NKAIN2: variants seen among roughly 807,000 people sequenced by gnomAD.
NKAIN2 encodes the protein sodium/potassium transporting ATPase interacting 2, also known as sodium/potassium-transporting ATPase subunit beta-1-interacting protein 2.
NKAIN2 carries 14 observed loss-of-function variants against 32.6 expected under a neutral mutation model. That is an observed-to-expected ratio of 0.43 (90% CI 0.28 to 0.67). NKAIN2 has a LOEUF of 0.67. NKAIN2 is among the 30% of genes least tolerant of loss of function. The pLI is 0.17. For missense variants in NKAIN2, 198 were observed against 258.3 expected (o/e 0.77, Z 1.60); for synonymous variants, 80 against 87.2 (o/e 0.92, Z 0.46).
At chr6:124,034,640 G>C (rs891703577) in intron 1 of NKAIN2, among the ~76,000 whole-genome samples, 1 of 152,022 alleles carries the variant, frequency 6.6e-6, no homozygotes, top group Non-Finnish European at 1.5e-5. Context: ...ATACCCAGTA[G>C]TGAGATTGCT....
At chr6:124,091,277 C>T (rs79755281) in intron 1 of NKAIN2, among the ~76,000 whole-genome samples, 20 of 151,834 alleles carry the variant, frequency 1.3e-4, no homozygotes, top group African/African-American at 4.8e-4. Context: ...AAAATCATTA[C>T]AGCAGGCACA....
intron 1 of NKAIN2, among the ~76,000 whole-genome samples, chr6:124,148,131 T>G (rs556355830): frequency 2.5e-4 from 38 of 152,312 alleles, no homozygotes; most frequent in African/African-American, 8.7e-4. Flanking sequence ...TTTATTTTTT[T>G]TAAACATTCA....
chr6:124,804,759 CG>C (rs1562392917), intron 5 of NKAIN2, among the ~76,000 whole-genome samples: 1 of 152,160 alleles, frequency 6.6e-6, no homozygotes, highest in Non-Finnish European at 1.5e-5. Context: ...GGGTGACAGA[CG>C]GCACCTGGAA....
chr6:123,827,619 T>C (rs1289502936), intron 1 of NKAIN2, among the ~76,000 whole-genome samples: 1 of 152,192 alleles, frequency 6.6e-6, no homozygotes, highest in Non-Finnish European at 1.5e-5. Flanking sequence ...TGTGAAAATA[T>C]TAACTGTGTA....
chr6:124,546,326 T>C (rs1780092996), intron 3 of NKAIN2, among the ~76,000 whole-genome samples: 2 of 152,074 alleles, frequency 1.3e-5, no homozygotes. Context: ...CATGCAGATA[T>C]TGTCCACCCA....
chr6:123,865,758 A>G (rs1775956506), intron 1 of NKAIN2, among the ~76,000 whole-genome samples: 1 of 152,168 alleles, frequency 6.6e-6, no homozygotes, highest in South Asian at 2.1e-4. Flanking sequence ...CATTACACCA[A>G]AATCAATGGT....
intron 1 of NKAIN2, among the ~76,000 whole-genome samples, chr6:123,983,945 T>C (rs1290831516): frequency 6.6e-6 from 1 of 152,200 alleles, no homozygotes; most frequent in Non-Finnish European, 1.5e-5. Context: ...TTTCCTCTTG[T>C]TGCCCAGGCT....
intron 2 of NKAIN2, among the ~76,000 whole-genome samples, chr6:124,293,253 G>A (rs933503674): frequency 2.0e-5 from 3 of 151,872 alleles, no homozygotes; most frequent in Admixed American, 1.3e-4. Flanking sequence ...AGATTAATAA[G>A]TGTTCTGATA....
chr6:123,886,865 T>G (rs1297597529), intron 1 of NKAIN2, among the ~76,000 whole-genome samples: 1 of 152,048 alleles, frequency 6.6e-6, no homozygotes, highest in African/African-American at 2.4e-5. Context: ...GAAAAAAATA[T>G]TGTTGAAAAA....
At chr6:124,396,659 G>C (rs1037859169) in intron 3 of NKAIN2, among the ~76,000 whole-genome samples, 2 of 152,058 alleles carry the variant, frequency 1.3e-5, no homozygotes, top group Non-Finnish European at 2.9e-5. Flanking sequence ...AGCAATTCAG[G>C]CCAGAGATCA....
At chr6:124,432,108 T>C (rs1265658452) in intron 3 of NKAIN2, among the ~76,000 whole-genome samples, 12 of 152,124 alleles carry the variant, frequency 7.9e-5, no homozygotes, top group Admixed American at 7.9e-4. Flanking sequence ...AGTGTCACAA[T>C]TGTGTACATG....
intron 1 of NKAIN2, among the ~76,000 whole-genome samples, chr6:124,194,783 G>A (rs1790233245): frequency 6.6e-6 from 1 of 152,132 alleles, no homozygotes; most frequent in Non-Finnish European, 1.5e-5. Context: ...TGGAAGGGAA[G>A]AGAGCCAATA....
At chr6:124,041,934 A>C (rs1781891436) in intron 1 of NKAIN2, among the ~76,000 whole-genome samples, 1 of 152,110 alleles carries the variant, frequency 6.6e-6, no homozygotes. Flanking sequence ...AATCATTTGC[A>C]AGAAGAAACA....
chr6:124,199,108 A>G (rs554547601), intron 1 of NKAIN2, among the ~76,000 whole-genome samples: 1 of 152,284 alleles, frequency 6.6e-6, no homozygotes, highest in South Asian at 2.1e-4. Context: ...TTTTAGATTT[A>G]CTTTGCGGTA....
At chr6:123,985,716 T>C (rs796566318) in intron 1 of NKAIN2, among the ~76,000 whole-genome samples, 9 of 152,252 alleles carry the variant, frequency 5.9e-5, no homozygotes, top group African/African-American at 1.9e-4. Flanking sequence ...TGACGGCTTA[T>C]GGTATGTTTG....
At chr6:124,275,522 G>A (rs1174358075) in intron 1 of NKAIN2, among the ~76,000 whole-genome samples, 1 of 152,102 alleles carries the variant, frequency 6.6e-6, no homozygotes, top group East Asian at 1.9e-4. Context: ...CATCATATGT[G>A]AAAGGTGGAA....
intron 1 of NKAIN2, among the ~76,000 whole-genome samples, chr6:123,999,821 T>A (rs1314966817): frequency 2.0e-5 from 3 of 152,078 alleles, no homozygotes; most frequent in African/African-American, 7.2e-5. Flanking sequence ...GTCAGAATAT[T>A]AGACTTAATT....
intron 1 of NKAIN2, among the ~76,000 whole-genome samples, chr6:123,897,124 A>G (rs1774323071): frequency 6.6e-6 from 1 of 152,134 alleles, no homozygotes; most frequent in Non-Finnish European, 1.5e-5. Context: ...ATCAGTCTGC[A>G]TTTCTCAATG....
intron 4 of NKAIN2, among the ~76,000 whole-genome samples, chr6:124,764,541 A>C (rs1176363798): frequency 6.6e-6 from 1 of 152,180 alleles, no homozygotes; most frequent in Non-Finnish European, 1.5e-5. Context: ...TATGGGATAA[A>C]AATGGTTAAG....
Sources: gnomAD v4.1 joint callset for allele counts (sites outside exome capture counted in the v4.1 genomes callset) on GRCh38, gnomAD v4.1.1 for gene constraint, MANE v1.5 for transcripts, NCBI Gene and HGNC (gene_info 2026-07-23, HGNC 2026-07-21) for gene names.